Variants in PRKG1 observed in about 807,000 individuals in gnomAD.
PRKG1 encodes the protein cGMP-dependent protein kinase 1.
Under a neutral mutation model 88.1 loss-of-function variants are expected in PRKG1, and 35 were observed. The observed-to-expected ratio is 0.40, with a 90% confidence interval of 0.30 to 0.53. PRKG1 has a LOEUF of 0.53. Ranked by LOEUF, PRKG1 falls within the 20% of genes least tolerant of loss-of-function variation. PRKG1 has a pLI of 0.59. For synonymous variants in PRKG1, 303 were observed against 292.5 expected, an observed-to-expected ratio of 1.04 and a Z score of -0.37; for missense variants, 540 against 839.8, an observed-to-expected ratio of 0.64 and a Z score of 4.41.
intron 6 of PRKG1, among the ~76,000 whole-genome samples, chr10:52,061,899 G>A (rs772846830): frequency 3.1e-4 from 47 of 152,000 alleles, no homozygotes; most frequent in African/African-American, 7.0e-4. Flanking sequence ...AGGGACAGGC[G>A]TATCCTAGAG....
chr10:52,244,465 C>T (rs1386736676), intron 9 of PRKG1, among the ~76,000 whole-genome samples: 1 of 151,524 alleles, frequency 6.6e-6, no homozygotes, highest in Non-Finnish European at 1.5e-5. Context: ...TATTTAATTT[C>T]AAGCATTTGA....
Position 51,837,367 on chromosome 10 carries a change from T to C in PRKG1, c.698+32677T>C, listed in dbSNP as rs777384559. Among the ~76,000 whole-genome samples the C allele has an allele frequency of 2.6e-5, 4 of 152,308 alleles. No homozygotes were observed. In the South Asian group the frequency reaches 6.2e-4, roughly 24 times the overall value. On this transcript the variant is annotated intron_variant, in intron 4 of 17. Coordinates refer to ENST00000373980, the MANE Select transcript of PRKG1 (RefSeq NM_006258.4). ...TTTATTGGGCATTGAGAAATACAGT[T>C]TGGAATATGAGCAGAATTTTACTAG...
chr10:51,187,181 A>G (rs2132034869), intron 2 of PRKG1, among the ~76,000 whole-genome samples: 1 of 151,776 alleles, frequency 6.6e-6, no homozygotes, highest in African/African-American at 2.4e-5. Context: ...ATCAAATCAT[A>G]TAGAATATGA....
intron 3 of PRKG1, among the ~76,000 whole-genome samples, chr10:51,570,188 T>A (rs2132166133): frequency 6.6e-6 from 1 of 151,012 alleles, no homozygotes; most frequent in East Asian, 1.9e-4. Context: ...GTTGGATCTG[T>A]CCCCCCGCAC....
chr10:51,126,406 TTA>T (rs1182385906), intron 1 of PRKG1, among the ~76,000 whole-genome samples: 1 of 138,174 alleles, frequency 7.2e-6, no homozygotes, highest in Non-Finnish European at 1.6e-5. Flanking sequence ...ATTTATATAT[TTA>T]TATATAATTC....
chr10:52,077,904 G>C (rs552441003), intron 7 of PRKG1, among the ~76,000 whole-genome samples: 3 of 152,020 alleles, frequency 2.0e-5, no homozygotes, highest in Admixed American at 2.0e-4. Flanking sequence ...TGGATAACTC[G>C]AACCATGCAA....
At chr10:52,274,224 C>A (rs1052674094) in intron 12 of PRKG1, among the ~76,000 whole-genome samples, 1 of 152,190 alleles carries the variant, frequency 6.6e-6, no homozygotes, top group African/African-American at 2.4e-5. Context: ...GTACCCATCA[C>A]GCAAGCAGTA....
At chr10:51,759,364 T>G (rs1837958714) in intron 3 of PRKG1, among the ~76,000 whole-genome samples, 1 of 151,978 alleles carries the variant, frequency 6.6e-6, no homozygotes, top group African/African-American at 2.4e-5. Flanking sequence ...CCTCCCAGGT[T>G]CAAGCGATTT....
chr10:51,575,934 A>C (rs1032340678), intron 3 of PRKG1, among the ~76,000 whole-genome samples: 2 of 151,996 alleles, frequency 1.3e-5, no homozygotes, highest in African/African-American at 4.8e-5. Context: ...TTAAAGATAG[A>C]TTATATACAA....
intron 3 of PRKG1, among the ~76,000 whole-genome samples, chr10:51,610,171 G>A (rs185305345): frequency 1.8e-4 from 27 of 152,048 alleles, no homozygotes; most frequent in Admixed American, 1.1e-3. Context: ...TTTTTAAAAT[G>A]TACAATACAC....
At chr10:51,050,283 A>G (rs1164524449) in intron 1 of PRKG1, among the ~76,000 whole-genome samples, 1 of 151,972 alleles carries the variant, frequency 6.6e-6, no homozygotes, top group Non-Finnish European at 1.5e-5. Flanking sequence ...CATATTGCAT[A>G]ACTAAAACCT....
intron 2 of PRKG1, among the ~76,000 whole-genome samples, chr10:51,190,728 C>CA (rs1390907047): frequency 4.6e-5 from 7 of 151,958 alleles, no homozygotes; most frequent in Non-Finnish European, 5.9e-5. Context: ...TGTGGAATCA[C>CA]AGAGCTGGGT....
intron 1 of PRKG1, among the ~76,000 whole-genome samples, chr10:51,089,538 T>G (rs1281425412): frequency 6.6e-6 from 1 of 152,344 alleles, no homozygotes; most frequent in East Asian, 1.9e-4. Flanking sequence ...TGGAATTTGC[T>G]TGTATATTGT....
chr10:52,061,407 T>C (rs77645871), intron 6 of PRKG1, among the ~76,000 whole-genome samples: 2,904 of 152,196 alleles, frequency 0.019, 93 homozygotes, highest in African/African-American at 0.067. Flanking sequence ...TTTTACTTCA[T>C]CACATTTTCC....
intron 5 of PRKG1, among the ~76,000 whole-genome samples, chr10:51,989,291 T>C (rs1043770392): frequency 3.9e-5 from 6 of 152,110 alleles, no homozygotes; most frequent in Non-Finnish European, 8.8e-5. Flanking sequence ...AGTTTGGTCT[T>C]TATATTGAGA....
intron 1 of PRKG1, among the ~76,000 whole-genome samples, chr10:51,138,680 T>G (rs372419425): frequency 2.8e-4 from 35 of 123,924 alleles, no homozygotes; most frequent in African/African-American, 8.4e-4. Flanking sequence ...GTTTTGTTTT[T>G]TTTTTTTTTT....
At chr10:51,984,852 T>C (rs1457869802) in intron 5 of PRKG1, among the ~76,000 whole-genome samples, 1 of 152,130 alleles carries the variant, frequency 6.6e-6, no homozygotes, top group Admixed American at 6.5e-5. Context: ...GAAAATCCTA[T>C]CAAGAGGCTG....
chr10:51,272,262 G>T (rs980691996), intron 2 of PRKG1, among the ~76,000 whole-genome samples: 1 of 151,546 alleles, frequency 6.6e-6, no homozygotes, highest in African/African-American at 2.4e-5. Flanking sequence ...TTTTGATGGG[G>T]TTGTTGAAAA....
intron 2 of PRKG1, among the ~76,000 whole-genome samples, chr10:51,218,959 T>C (rs1838451656): frequency 6.6e-6 from 1 of 152,152 alleles, no homozygotes; most frequent in Admixed American, 6.5e-5. Context: ...TCACTTTACC[T>C]TGGGCAAGTT....
Sources: gnomAD v4.1 joint callset for allele counts (sites outside exome capture counted in the v4.1 genomes callset) on GRCh38, gnomAD v4.1.1 for gene constraint, MANE v1.5 for transcripts, NCBI Gene and HGNC (gene_info 2026-07-23, HGNC 2026-07-21) for gene names.